The following KCNAB1 variants were observed in gnomAD, a reference collection of about 807,000 sequenced individuals.
The protein encoded by KCNAB1 is potassium voltage-gated channel subfamily A regulatory beta subunit 1.
Under a neutral mutation model 64.6 loss-of-function variants are expected in KCNAB1, and 35 were observed. That is an observed-to-expected ratio of 0.54 (90% CI 0.41 to 0.72). The LOEUF (loss-of-function observed/expected upper bound fraction) is 0.72. Among genes scored for constraint, KCNAB1 ranks in the 30% least tolerant of loss-of-function variants. KCNAB1 has a pLI of 0.00. For missense variants in KCNAB1, 401 were observed against 512.9 expected (o/e 0.78, Z 2.11); for synonymous variants, 177 against 183.8 (o/e 0.96, Z 0.30).
intron 1 of KCNAB1, among the ~76,000 whole-genome samples, chr3:156,401,064 G>A (rs1413684083): frequency 6.6e-6 from 1 of 152,274 alleles, no homozygotes; most frequent in Middle Eastern, 3.4e-3. Context: ...TCCTTCTTGG[G>A]GGGTTTATAT....
chr3:156,201,756 C>G (rs1714343654), intron 1 of KCNAB1, among the ~76,000 whole-genome samples: 1 of 152,208 alleles, frequency 6.6e-6, no homozygotes, highest in Non-Finnish European at 1.5e-5. Flanking sequence ...TCCATACACA[C>G]ATGAGAGGTG....
chr3:156,373,369 A>C (rs181598865), intron 1 of KCNAB1, among the ~76,000 whole-genome samples: 1 of 152,340 alleles, frequency 6.6e-6, no homozygotes, highest in East Asian at 1.9e-4. Flanking sequence ...CCAGTCCTTA[A>C]ATGGGGAGCT....
chr3:156,458,345 A>G (rs1475771474), intron 4 of KCNAB1, among the ~76,000 whole-genome samples: 3 of 152,220 alleles, frequency 2.0e-5, no homozygotes, highest in Admixed American at 6.5e-5. Context: ...CTGGCCTCCT[A>G]CTGGGAACAT....
chr3:156,187,325 C>T (rs1269109788), intron 1 of KCNAB1, among the ~76,000 whole-genome samples: 2 of 152,326 alleles, frequency 1.3e-5, no homozygotes, highest in East Asian at 3.9e-4. Context: ...TAACTCTTAG[C>T]TCTGAAATCT....
intron 1 of KCNAB1, among the ~76,000 whole-genome samples, chr3:156,327,809 A>T (rs1424646855): frequency 6.6e-6 from 1 of 152,140 alleles, no homozygotes; most frequent in East Asian, 1.9e-4. Flanking sequence ...AACAGGAGGC[A>T]AGCATTCCAG....
intron 1 of KCNAB1, among the ~76,000 whole-genome samples, chr3:156,205,964 T>C (rs2108386025): frequency 6.6e-6 from 1 of 152,348 alleles, no homozygotes; most frequent in East Asian, 1.9e-4. Context: ...CTCTGTGCAC[T>C]TGTACATGCT....
At chr3:156,175,814 G>A in intron 1 of KCNAB1, 2 of 616,750 alleles carry the variant, frequency 3.2e-6, no homozygotes, top group Non-Finnish European at 6.1e-6. Flanking sequence ...CGTCACTTAT[G>A]CAGTCTGAGG....
At chr3:156,399,431 G>A (rs1168664840) in intron 1 of KCNAB1, among the ~76,000 whole-genome samples, 1 of 152,162 alleles carries the variant, frequency 6.6e-6, no homozygotes. Flanking sequence ...CTTTCTCACC[G>A]AATATGTGCT....
At chr3:156,397,961 C>T (rs1255643146) in intron 1 of KCNAB1, among the ~76,000 whole-genome samples, 2 of 152,194 alleles carry the variant, frequency 1.3e-5, no homozygotes, top group African/African-American at 4.8e-5. Context: ...TTTCCAATTG[C>T]TTTCATTGTG....
intron 2 of KCNAB1, among the ~76,000 whole-genome samples, chr3:156,448,322 A>G (rs1711736767): frequency 6.6e-6 from 1 of 152,224 alleles, no homozygotes; most frequent in Non-Finnish European, 1.5e-5. Flanking sequence ...TTCTCATTAG[A>G]GGGAGAAAAA....
At chr3:156,212,525 C>T (rs1715073498) in intron 1 of KCNAB1, among the ~76,000 whole-genome samples, 1 of 152,070 alleles carries the variant, frequency 6.6e-6, no homozygotes, top group Non-Finnish European at 1.5e-5. Context: ...TGGAGGTGCT[C>T]CTGGATGTTA....
chr3:156,524,771 A>AAAAAAG (rs1559930284), intron 12 of KCNAB1, among the ~76,000 whole-genome samples: 3 of 140,452 alleles, frequency 2.1e-5, no homozygotes, highest in Non-Finnish European at 3.1e-5. Flanking sequence ...AAAAAAAAAA[A>AAAAAAG]AAAAAGAAAA....
intron 1 of KCNAB1, among the ~76,000 whole-genome samples, chr3:156,239,635 G>T (rs1717052684): frequency 6.6e-6 from 1 of 152,120 alleles, no homozygotes; most frequent in Non-Finnish European, 1.5e-5. Flanking sequence ...TCCTTGGAGA[G>T]CCGACACTCA....
intron 1 of KCNAB1, among the ~76,000 whole-genome samples, chr3:156,197,186 C>G (rs1265444670): frequency 6.6e-6 from 1 of 152,194 alleles, no homozygotes; most frequent in Non-Finnish European, 1.5e-5. Flanking sequence ...TTTTGATATG[C>G]TGCTGGATTC....
chr3:156,205,788 A>C (rs1250947816), intron 1 of KCNAB1, among the ~76,000 whole-genome samples: 1 of 152,206 alleles, frequency 6.6e-6, no homozygotes, highest in Non-Finnish European at 1.5e-5. Flanking sequence ...GGCCTTGTCA[A>C]TACCCTGACT....
intron 1 of KCNAB1, among the ~76,000 whole-genome samples, chr3:156,296,466 C>G (rs989644609): frequency 1.2e-4 from 17 of 147,208 alleles, no homozygotes; most frequent in Admixed American, 4.7e-4. Context: ...TCAACTCCCC[C>G]CCCCCCCACC....
At position 156,522,628 on chromosome 3, in the gene KCNAB1, C is replaced by T. The variant is rs186828598; in HGVS notation, c.961-1199C>T. 5.3e-5 allele frequency among the ~76,000 whole-genome samples: 8 copies of T among 152,254 alleles called. No homozygotes were observed. In the East Asian group the frequency reaches 5.8e-4, roughly 11 times the overall value. ...CGGCTTGCCCTTCTCCTTTTCTCAT[C>T]GGCAAAATAACTCAAAAAAATCACA... On this transcript the variant is annotated intron_variant, in intron 11 of 13. Coordinates refer to ENST00000490337, the MANE Select transcript of KCNAB1 (RefSeq NM_172160.3).
chr3:156,182,892 G>T (rs1159555308), intron 1 of KCNAB1, among the ~76,000 whole-genome samples: 1 of 151,738 alleles, frequency 6.6e-6, no homozygotes. Context: ...TAGAGACCGG[G>T]TTTCACCATG....
intron 1 of KCNAB1, among the ~76,000 whole-genome samples, chr3:156,163,629 C>G (rs1047908348): frequency 2.0e-5 from 3 of 152,200 alleles, no homozygotes; most frequent in Admixed American, 1.3e-4. Flanking sequence ...TACTGAGAAG[C>G]ATCTTGGTCT....
Sources: gnomAD v4.1 joint callset for allele counts (sites outside exome capture counted in the v4.1 genomes callset) on GRCh38, gnomAD v4.1.1 for gene constraint, MANE v1.5 for transcripts, NCBI Gene and HGNC (gene_info 2026-07-23, HGNC 2026-07-21) for gene names.